The following CTNNA3 variants were observed in gnomAD, a reference collection of about 807,000 sequenced individuals.
CTNNA3 encodes catenin alpha-3.
A neutral mutation model predicts 95.7 loss-of-function variants in CTNNA3; 76 were observed. The observed-to-expected ratio is 0.79, with a 90% CI of 0.66 to 0.96. CTNNA3 has a LOEUF of 0.96. Among genes scored for constraint, CTNNA3 ranks in the 40% least tolerant of loss-of-function variants. CTNNA3 has a pLI of 0.00. For synonymous variants in CTNNA3, 431 were observed against 374.4 expected (o/e 1.15, Z -1.74); for missense variants, 1,191 against 1,089.8 (o/e 1.09, Z -1.31).
intron 11 of CTNNA3, among the ~76,000 whole-genome samples, chr10:66,393,701 T>C (rs1238055138): frequency 6.6e-6 from 1 of 152,088 alleles, no homozygotes; most frequent in African/African-American, 2.4e-5. Context: ...TTTGAGTCTC[T>C]CTTCTTTTCC....
Position 66,509,554 on chromosome 10 carries a change from A to G in CTNNA3, c.1531+11063T>C, listed in dbSNP as rs144058168. ...AGTTGATTTTTTAATGTAGTGAGAGATGGTCTTCTAGTTTCAATCTTCTGC... is the reference window on the plus strand; with the variant it reads ...AGTTGATTTTTTAATGTAGTGAGAGGTGGTCTTCTAGTTTCAATCTTCTGC... On this transcript the variant is annotated intron_variant, in intron 11 of 17. Transcript: ENST00000433211. Among the ~76,000 whole-genome samples, 33 of 151,962 alleles carry G rather than the reference A, an allele frequency of 2.2e-4. 1 individual carries two copies. Among genetic ancestry groups the G allele is most frequent in the African/African-American group, 7.2e-4 (30 of 41,492 alleles).
At chr10:67,717,430 C>A (rs1309447715) in intron 1 of CTNNA3, among the ~76,000 whole-genome samples, 1 of 152,056 alleles carries the variant, frequency 6.6e-6, no homozygotes, top group African/African-American at 2.4e-5. Flanking sequence ...AGGTTTTTTT[C>A]TAGGGTTTTT....
intron 7 of CTNNA3, among the ~76,000 whole-genome samples, chr10:67,126,716 T>C (rs1056812179): frequency 1.3e-5 from 2 of 152,208 alleles, no homozygotes; most frequent in African/African-American, 4.8e-5. Flanking sequence ...TAGGTGGTGG[T>C]TGAGAAACCT....
chr10:67,327,397 G>T (rs1036878184), intron 5 of CTNNA3, among the ~76,000 whole-genome samples: 4 of 152,098 alleles, frequency 2.6e-5, no homozygotes, highest in South Asian at 2.1e-4. Context: ...TTTGGATGGG[G>T]TTTTTTTCCT....
rs151100272 is a variant in CTNNA3 at position 67,105,453 on chromosome 10, A to G, written c.1047+74864T>C. On this transcript the variant is annotated intron_variant, in intron 7 of 17. Coordinates refer to ENST00000433211, the MANE Select transcript of CTNNA3 (RefSeq NM_013266.4). The stretch of plus-strand genomic sequence containing the variant: ...AATTGCTGCTTCAACCATATGAGTA[A>G]TTACATTAATTCACATACACCTTGT... 3.8e-3 allele frequency among the ~76,000 whole-genome samples: 574 copies of G among 152,266 alleles called. 1 individual carries two copies. Among genetic ancestry groups the G allele is most frequent in the African/African-American group, 0.011 (452 of 41,566 alleles).
At chr10:66,148,217 T>C (rs2083998541) in intron 13 of CTNNA3, among the ~76,000 whole-genome samples, 2 of 152,078 alleles carry the variant, frequency 1.3e-5, no homozygotes, top group African/African-American at 4.8e-5. Flanking sequence ...ATTTTTCTTG[T>C]CAATTTTTTG....
chr10:65,933,004 T>C (rs1412776681), intron 17 of CTNNA3, among the ~76,000 whole-genome samples: 1 of 152,148 alleles, frequency 6.6e-6, no homozygotes, highest in East Asian at 1.9e-4. Flanking sequence ...CTGACCCCAA[T>C]TTTTGAATGC....
At chr10:67,408,906 T>G (rs1300586281) in intron 5 of CTNNA3, among the ~76,000 whole-genome samples, 2 of 116,670 alleles carry the variant, frequency 1.7e-5, no homozygotes, top group African/African-American at 2.9e-5. Flanking sequence ...AAAAAGCCAT[T>G]ATAAAGTAGG....
intron 2 of CTNNA3, among the ~76,000 whole-genome samples, chr10:67,647,204 A>T (rs531891154): frequency 1.3e-5 from 2 of 148,652 alleles, no homozygotes; most frequent in East Asian, 3.9e-4. Flanking sequence ...GCTAAAAGAG[A>T]ATGTGGGGGA....
At chr10:66,283,713 T>A (rs2091533597) in intron 12 of CTNNA3, among the ~76,000 whole-genome samples, 1 of 151,916 alleles carries the variant, frequency 6.6e-6, no homozygotes, top group Non-Finnish European at 1.5e-5. Flanking sequence ...ATAAATGAAC[T>A]ATTCAAAGCT....
chr10:67,525,009 C>A (rs951267766), intron 4 of CTNNA3, among the ~76,000 whole-genome samples: 1 of 152,014 alleles, frequency 6.6e-6, no homozygotes, highest in Non-Finnish European at 1.5e-5. Flanking sequence ...TAAATGATCT[C>A]CCAGTTGGAG....
chr10:67,166,932 C>A (rs1861793079), intron 7 of CTNNA3, among the ~76,000 whole-genome samples: 1 of 152,018 alleles, frequency 6.6e-6, no homozygotes, highest in Non-Finnish European at 1.5e-5. Context: ...CATGGCAAAA[C>A]CCTGTCTCTA....
intron 7 of CTNNA3, among the ~76,000 whole-genome samples, chr10:66,918,835 G>T (rs1264000673): frequency 6.6e-6 from 1 of 151,660 alleles, no homozygotes; most frequent in Non-Finnish European, 1.5e-5. Context: ...GAGAGAGAGA[G>T]GTTATAAAGA....
At chr10:67,302,460 T>C (rs1351153490) in intron 5 of CTNNA3, among the ~76,000 whole-genome samples, 1 of 152,224 alleles carries the variant, frequency 6.6e-6, no homozygotes, top group Non-Finnish European at 1.5e-5. Context: ...TGTGAGGTAA[T>C]GCATGTATCA....
At chr10:66,531,861 T>G (rs2132051073) in intron 10 of CTNNA3, among the ~76,000 whole-genome samples, 1 of 152,106 alleles carries the variant, frequency 6.6e-6, no homozygotes, top group Middle Eastern at 3.4e-3. Flanking sequence ...GATGAAAAAA[T>G]AAATATAGGC....
At chr10:67,705,502 A>G (rs1841072576) in intron 1 of CTNNA3, among the ~76,000 whole-genome samples, 1 of 149,984 alleles carries the variant, frequency 6.7e-6, no homozygotes, top group South Asian at 2.1e-4. Flanking sequence ...ATTGGAAATC[A>G]TCATTCTCAG....
intron 5 of CTNNA3, among the ~76,000 whole-genome samples, chr10:67,257,233 G>C (rs1260789872): frequency 6.6e-6 from 1 of 152,210 alleles, no homozygotes; most frequent in Non-Finnish European, 1.5e-5. Flanking sequence ...TTCCGAGCCT[G>C]TTGTTTTAAG....
intron 5 of CTNNA3, among the ~76,000 whole-genome samples, chr10:67,291,197 T>C (rs1202738714): frequency 6.6e-6 from 1 of 152,090 alleles, no homozygotes; most frequent in Non-Finnish European, 1.5e-5. Flanking sequence ...AAATAACATA[T>C]GTAAAAGAAA....
chr10:66,821,983 C>G (rs1004690984), intron 7 of CTNNA3, among the ~76,000 whole-genome samples: 6 of 151,802 alleles, frequency 4.0e-5, no homozygotes, highest in Non-Finnish European at 5.9e-5. Flanking sequence ...TTTTTTGAAG[C>G]ACACTGTTTA....
Sources: gnomAD v4.1 joint callset for allele counts (sites outside exome capture counted in the v4.1 genomes callset) on GRCh38, gnomAD v4.1.1 for gene constraint, MANE v1.5 for transcripts, NCBI Gene and HGNC (gene_info 2026-07-23, HGNC 2026-07-21) for gene names.